Variants in ATAD1 observed in about 807,000 individuals in gnomAD.
ATAD1 encodes the protein outer mitochondrial transmembrane helix translocase.
In ATAD1, 18 loss-of-function variants were observed where a neutral mutation model predicts 42.7. The ratio of observed to expected loss-of-function variants is 0.42; its 90% CI spans 0.29 to 0.63. The LOEUF (loss-of-function observed/expected upper bound fraction) is 0.63, where lower values mean the gene tolerates loss of function less well. Ranked by LOEUF, ATAD1 falls within the 20% of genes least tolerant of loss-of-function variation. ATAD1 has a pLI of 0.19. For missense variants in ATAD1, 294 were observed against 440.4 expected (o/e 0.67, Z 2.98); for synonymous variants, 132 against 143.1 (o/e 0.92, Z 0.55).
chr10:87,803,097 A>C (rs1292331381), intron 2 of ATAD1, among the ~76,000 whole-genome samples: 1 of 152,226 alleles, frequency 6.6e-6, no homozygotes, highest in Non-Finnish European at 1.5e-5. Flanking sequence ...GACTTCAGGT[A>C]ATGTGGCCTA....
rs1856506264 is a variant in ATAD1, at chr10:87,798,459, TTC to T, written c.163-5706_163-5705del. On this transcript the variant is annotated intron_variant, in intron 2 of 9. Coordinates refer to ENST00000680024, the MANE Select transcript of ATAD1 (RefSeq NM_001321967.2). ...ACCTACAAACTACAGAGTTGCTACG[TTC>T]TCTTTCTGTGTCTTTCATTTCTGGC... Among the ~76,000 whole-genome samples the T allele has an allele frequency of 2.0e-5, 3 of 152,242 alleles. No homozygotes were observed. The South Asian group carries it at 6.2e-4, about 32-fold the overall frequency.
At chr10:87,807,038 C>G (rs918161418) in intron 2 of ATAD1, among the ~76,000 whole-genome samples, 1 of 152,140 alleles carries the variant, frequency 6.6e-6, no homozygotes, top group Non-Finnish European at 1.5e-5. Context: ...CAAGTTCTAA[C>G]CAAACTTTTG....
At chr10:87,780,682 A>C (rs546852865) in intron 5 of ATAD1, among the ~76,000 whole-genome samples, 1 of 152,260 alleles carries the variant, frequency 6.6e-6, no homozygotes, top group African/African-American at 2.4e-5. Context: ...GGAACTGAAC[A>C]TAAGAGTTGG....
rs1855726422 is a variant in ATAD1, at chr10:87,784,496, GGTTGTA to G, written c.551_556del (p.Leu184_Gln185del). 1 of 1,613,474 alleles carries G rather than the reference GGTTGTA, an allele frequency of 6.2e-7. No homozygotes were observed. Among genetic ancestry groups the G allele is most frequent in the Non-Finnish European group, 8.5e-7 (1 of 1,179,690 alleles). On this transcript the variant is annotated inframe_deletion, in exon 5 of 10. Transcript: ENST00000680024. ...TATTTCATCTATAAAGATGATGGAT[GGTTGTA>G]GCTTTATGGCAAGGGAGAAGACAGC...
At chr10:87,804,652 G>A (rs914319752) in intron 2 of ATAD1, among the ~76,000 whole-genome samples, 1 of 152,160 alleles carries the variant, frequency 6.6e-6, no homozygotes. Context: ...TTACAGGTAT[G>A]AGCCACCATG....
intron 5 of ATAD1, among the ~76,000 whole-genome samples, chr10:87,784,229 AT>A (rs1855710790): frequency 6.6e-6 from 1 of 152,216 alleles, no homozygotes; most frequent in Non-Finnish European, 1.5e-5. Context: ...AAACATGTAC[AT>A]GGATATCTAC....
intron 1 of ATAD1, among the ~76,000 whole-genome samples, chr10:87,833,286 G>C (rs1303080640): frequency 6.6e-6 from 1 of 152,140 alleles, no homozygotes; most frequent in Non-Finnish European, 1.5e-5. Flanking sequence ...GTTGTTCATT[G>C]CTGGTATATG....
chr10:87,760,809 G>A (rs1165593579), intron 8 of ATAD1, among the ~76,000 whole-genome samples: 1 of 152,090 alleles, frequency 6.6e-6, no homozygotes, highest in Non-Finnish European at 1.5e-5. Flanking sequence ...AGTAATTTCA[G>A]GTCAGTTTGT....
At chr10:87,794,850 T>C (rs578002344) in intron 2 of ATAD1, among the ~76,000 whole-genome samples, 5 of 152,344 alleles carry the variant, frequency 3.3e-5, no homozygotes, top group East Asian at 3.9e-4. Flanking sequence ...TTAGTTTACA[T>C]AGAGACAGAA....
At position 87,771,048 on chromosome 10, in the gene ATAD1, G is replaced by T; in HGVS notation, c.691-7C>A. On this transcript the variant is annotated splice_region_variant and splice_polypyrimidine_tract_variant and intron_variant, in intron 6 of 9. Transcript: ENST00000680024. ...TAGCTCCCATTACTATGACCTAAGT[G>T]TATAAAGAAGACAGAAGGTATTAAA... 1 of 1,604,362 alleles carries T rather than the reference G, an allele frequency of 6.2e-7. No individual in the cohort carries two copies.
intron 2 of ATAD1, among the ~76,000 whole-genome samples, chr10:87,796,071 AATAGAT>A (rs750576210): frequency 3.3e-5 from 5 of 152,240 alleles, no homozygotes; most frequent in Non-Finnish European, 7.3e-5. Context: ...ATCTTTATAT[AATAGAT>A]ATAATCATTT....
At chr10:87,820,312 A>G (rs1206448371), upstream of ATAD1, among the ~76,000 whole-genome samples, 2 of 152,138 alleles carry the variant, frequency 1.3e-5, no homozygotes, top group Non-Finnish European at 2.9e-5. Flanking sequence ...AAGGAAAATG[A>G]GCTGAGAAAT....
At chr10:87,811,330 C>G (rs200558443) in intron 2 of ATAD1, among the ~76,000 whole-genome samples, 1 of 92,396 alleles carries the variant, frequency 1.1e-5, no homozygotes, top group African/African-American at 3.9e-5. Flanking sequence ...AAGACTCCAA[C>G]TCAAAAATAA....
chr10:87,822,113 T>C (rs978253855), upstream of ATAD1, among the ~76,000 whole-genome samples: 9 of 152,264 alleles, frequency 5.9e-5, no homozygotes, highest in African/African-American at 2.2e-4. Flanking sequence ...AACCTGACTC[T>C]ATTCATTGCT....
chr10:87,819,399 C>T (rs1048672214), upstream of ATAD1: 1 of 151,216 alleles, frequency 6.6e-6, no homozygotes, highest in Admixed American at 6.6e-5. Context: ...CTGCAGTGAT[C>T]AAGCCACTCC....
intron 2 of ATAD1, among the ~76,000 whole-genome samples, chr10:87,802,324 C>G (rs954350433): frequency 3.3e-5 from 5 of 152,108 alleles, no homozygotes; most frequent in Admixed American, 2.0e-4. Flanking sequence ...GGTTTCTGAC[C>G]TGTTGTTAAG....
chr10:87,797,465 GAGA>G (rs57497746), intron 2 of ATAD1, among the ~76,000 whole-genome samples: 10,084 of 152,106 alleles, frequency 0.066, 786 homozygotes, highest in East Asian at 0.33. Flanking sequence ...AAAAAATCTA[GAGA>G]AGGTTTCTAA....
chr10:87,839,714 C>T (rs150224677), intron 1 of ATAD1, among the ~76,000 whole-genome samples: 78 of 152,156 alleles, frequency 5.1e-4, no homozygotes, highest in African/African-American at 1.4e-3. Flanking sequence ...TTCCCCCCCG[C>T]CGCCCCCAGT....
intron 2 of ATAD1, among the ~76,000 whole-genome samples, chr10:87,803,770 T>C (rs1347720485): frequency 6.6e-6 from 1 of 152,256 alleles, no homozygotes; most frequent in African/African-American, 2.4e-5. Flanking sequence ...AACTGAGACC[T>C]GTCTCAGATA....
Sources: gnomAD v4.1 joint callset for allele counts (sites outside exome capture counted in the v4.1 genomes callset) on GRCh38, gnomAD v4.1.1 for gene constraint, MANE v1.5 for transcripts, NCBI Gene and HGNC (gene_info 2026-07-23, HGNC 2026-07-21) for gene names.